Variants in NRROS observed in about 807,000 individuals in gnomAD.
The protein encoded by NRROS is negative regulator of reactive oxygen species.
Under a neutral mutation model 12.0 loss-of-function variants are expected in NRROS, and 6 were observed. The ratio of observed to expected loss-of-function variants is 0.50; its 90% CI spans 0.27 to 0.98. NRROS has a LOEUF of 0.98. Ranked by LOEUF, NRROS falls within the 50% of genes least tolerant of loss-of-function variation. NRROS has a pLI of 0.11. For missense variants in NRROS, 857 were observed against 888.2 expected, an observed-to-expected ratio of 0.96 and a Z score of 0.45; for synonymous variants, 462 against 410.2, an observed-to-expected ratio of 1.13 and a Z score of -1.53.
intron 1 of NRROS, among the ~76,000 whole-genome samples, chr3:196,649,521 G>C (rs1179324513): frequency 1.3e-5 from 2 of 152,104 alleles, no homozygotes; most frequent in African/African-American, 2.4e-5. Context: ...GCCCAGGCTG[G>C]AGTGCAGTGG....
At chr3:196,649,174 T>C (rs975337863) in intron 1 of NRROS, among the ~76,000 whole-genome samples, 2 of 152,180 alleles carry the variant, frequency 1.3e-5, no homozygotes, top group Non-Finnish European at 2.9e-5. Flanking sequence ...TGCTTGAGAC[T>C]TCCCAGTGCT....
chr3:196,652,217 C>T (rs762509656), intron 1 of NRROS, among the ~76,000 whole-genome samples: 8 of 152,188 alleles, frequency 5.3e-5, no homozygotes, highest in African/African-American at 9.7e-5. Context: ...CTTCCAGCCA[C>T]ATTACTCAGG....
chr3:196,654,390 T>C lies in NRROS; in HGVS notation c.-13-137T>C, dbSNP rs921987734. ...GCTAAATGGAGGTATCTGAGTATCC[T>C]GTGGGCTGCACCTCTATGGAGCTCC... On this transcript the variant is annotated intron_variant, in intron 1 of 2. Transcript: ENST00000328557. The surrounding 1 kb of genome is among the most constrained non-coding windows in gnomAD (Gnocchi z 4.4). The C allele has an allele frequency of 4.9e-5, 32 of 656,800 alleles. No homozygotes were observed. Among genetic ancestry groups the C allele is most frequent in the Non-Finnish European group, 7.7e-5 (28 of 362,468 alleles). 40.7% of individuals were successfully genotyped at this position (656,800 alleles called of 1,614,324 possible).
At chr3:196,655,119 C>G (rs1737510723) in intron 2 of NRROS, 1 of 159,590 alleles carries the variant, frequency 6.3e-6, no homozygotes, top group African/African-American at 2.4e-5. Context: ...CCTATAGTCC[C>G]AGCTACTTGG....
chr3:196,647,010 A>G (rs773015098), intron 1 of NRROS, among the ~76,000 whole-genome samples: 18 of 152,136 alleles, frequency 1.2e-4, no homozygotes, highest in Non-Finnish European at 2.2e-4. Flanking sequence ...TGCGTCAATC[A>G]ATATATTGCT....
chr3:196,648,561 G>GT (rs1260081197), intron 1 of NRROS, among the ~76,000 whole-genome samples: 1 of 152,066 alleles, frequency 6.6e-6, no homozygotes, highest in African/African-American at 2.4e-5. Flanking sequence ...GAGGTCGGGA[G>GT]TTCAAGACCA....
Position 196,661,222 on chromosome 3 carries a change from T to G in NRROS, c.1579T>G (p.Phe527Val). 1 of 1,613,958 alleles carries G rather than the reference T, an allele frequency of 6.2e-7. No homozygotes were observed. Among genetic ancestry groups the G allele is most frequent in the South Asian group, 1.1e-5 (1 of 91,026 alleles). The change falls in exon 3 of 3, where the codon TTT becomes GTT. Residue 527 changes from phenylalanine (F) to valine (V), a missense_variant. By Grantham distance (50) the Phe-to-Val change is conservative. Transcript: ENST00000328557. ...CAGGAACATGGGCCTCCACTCCAGCTTTATGGCGTTGGACTTCTCTGGGTT... is the reference window on the plus strand; with the variant it reads ...CAGGAACATGGGCCTCCACTCCAGCGTTATGGCGTTGGACTTCTCTGGGTT... ...SLRNMGLHSSFMALDFSGFGN... is the reference protein window; with the variant it reads ...SLRNMGLHSSVMALDFSGFGN...
chr3:196,641,654 T>C (rs894631811), intron 1 of NRROS, among the ~76,000 whole-genome samples: 1 of 152,212 alleles, frequency 6.6e-6, no homozygotes, highest in Non-Finnish European at 1.5e-5. Context: ...ACGCCTAGTA[T>C]CTTTGTTCTG....
intron 1 of NRROS, among the ~76,000 whole-genome samples, chr3:196,651,532 C>G (rs1329250522): frequency 6.6e-6 from 1 of 152,118 alleles, no homozygotes; most frequent in Non-Finnish European, 1.5e-5. Flanking sequence ...TTTGGGAGGT[C>G]AAGGCGGGCA....
chr3:196,645,279 A>G (rs528931483), intron 1 of NRROS, among the ~76,000 whole-genome samples: 1 of 152,228 alleles, frequency 6.6e-6, no homozygotes, highest in African/African-American at 2.4e-5. Context: ...CCCACAGAGG[A>G]CAGAGCGTGT....
intron 1 of NRROS, among the ~76,000 whole-genome samples, chr3:196,647,891 G>A (rs548186078): frequency 2.0e-5 from 3 of 152,080 alleles, no homozygotes; most frequent in African/African-American, 4.8e-5. Flanking sequence ...TAGTAGAGAC[G>A]GGGTTTCTCT....
chr3:196,649,910 G>T (rs975379521), intron 1 of NRROS, among the ~76,000 whole-genome samples: 11 of 152,176 alleles, frequency 7.2e-5, no homozygotes, highest in Non-Finnish European at 1.5e-4. Flanking sequence ...TATGGCACTT[G>T]CTCAGAGCCC....
chr3:196,644,367 C>T (rs1737265878), intron 1 of NRROS, among the ~76,000 whole-genome samples: 1 of 148,294 alleles, frequency 6.7e-6, no homozygotes, highest in South Asian at 2.1e-4. Context: ...CCGCTGCACT[C>T]TAGCCTGGGT....
At position 196,660,169 on chromosome 3, in the gene NRROS, G is replaced by T. The variant is rs753726007; in HGVS notation, c.526G>T (p.Val176Phe). 1 of 1,613,036 alleles carries T rather than the reference G, an allele frequency of 6.2e-7. No homozygotes were observed. Among genetic ancestry groups the T allele is most frequent in the Admixed American group, 1.7e-5 (1 of 60,026 alleles). Residue 176 changes from valine to phenylalanine, a missense_variant, in exon 3 of 3, where the codon GTC becomes TTC. Coordinates refer to ENST00000328557, the MANE Select transcript of NRROS (RefSeq NM_198565.3). This position sits in a 1 kb window ranked among gnomAD's most constrained non-coding sequence, Gnocchi z 7.7. Reference protein sequence around the residue: ...GNTIMRLDDSVFEGLERLREL... With the variant: ...GNTIMRLDDSFFEGLERLREL... ...CACCATCATGCGGCTGGACGACTCC[G>T]TCTTCGAGGGCCTGGAGCGTCTCCG...
chr3:196,640,997 G>T (rs1737197651), intron 1 of NRROS, among the ~76,000 whole-genome samples: 1 of 152,112 alleles, frequency 6.6e-6, no homozygotes, highest in Non-Finnish European at 1.5e-5. Context: ...GGATGCTGAG[G>T]GTTTGCTGGG....
rs974835229 is a variant in NRROS, at chr3:196,654,388, C to A, written c.-13-139C>A. On this transcript the variant is annotated intron_variant, in intron 1 of 2. Coordinates refer to ENST00000328557, the MANE Select transcript of NRROS (RefSeq NM_198565.3). The surrounding 1 kb of genome is among the most constrained non-coding windows in gnomAD (Gnocchi z 4.4). ...TGGCTAAATGGAGGTATCTGAGTAT[C>A]CTGTGGGCTGCACCTCTATGGAGCT... 1 of 652,918 alleles carries A rather than the reference C, an allele frequency of 1.5e-6. No homozygotes were observed. The highest frequency in any genetic ancestry group is 2.8e-6 in the Non-Finnish European group (1 of 360,470). 40.4% of individuals were successfully genotyped at this position (652,918 alleles called of 1,614,324 possible).
At chr3:196,649,803 A>G (rs1454182967) in intron 1 of NRROS, among the ~76,000 whole-genome samples, 1 of 152,074 alleles carries the variant, frequency 6.6e-6, no homozygotes, top group Non-Finnish European at 1.5e-5. Context: ...GTGCCCCGAG[A>G]GCTGCCCACT....
intron 1 of NRROS, among the ~76,000 whole-genome samples, chr3:196,647,231 A>G (rs1049756688): frequency 1.3e-5 from 2 of 152,242 alleles, no homozygotes; most frequent in Non-Finnish European, 2.9e-5. Context: ...TGAATCAAAA[A>G]GAATCCAGAC....
chr3:196,661,729 T>G lies in NRROS; in HGVS notation c.*7T>G, dbSNP rs2108644790. ...CTGGTCCTCCGTTTACTGACCTGGC[T>G]GTGTGCCAAGACTCGAAATTCGGTC... On this transcript the variant is annotated 3_prime_UTR_variant, in exon 3 of 3. Coordinates refer to ENST00000328557, the MANE Select transcript of NRROS (RefSeq NM_198565.3). 5 of 1,577,882 alleles carry G rather than the reference T, an allele frequency of 3.2e-6. No homozygotes were observed. Among genetic ancestry groups the G allele is most frequent in the Non-Finnish European group, 4.3e-6 (5 of 1,164,500 alleles).
Sources: gnomAD v4.1 joint callset for allele counts (sites outside exome capture counted in the v4.1 genomes callset) on GRCh38, gnomAD v4.1.1 for gene constraint, Gnocchi (gnomAD v3.1) non-coding constraint, MANE v1.5 for transcripts, NCBI Gene and HGNC (gene_info 2026-07-23, HGNC 2026-07-21) for gene names.